CDH4: variants seen among roughly 807,000 people sequenced by gnomAD.
CDH4 encodes cadherin 4.
CDH4 carries 33 observed loss-of-function variants against 86.0 expected under a neutral mutation model. The ratio of observed to expected loss-of-function variants is 0.38; its 90% CI spans 0.29 to 0.51. The LOEUF is 0.51. CDH4 is among the 20% of genes least tolerant of loss of function. The probability of loss-of-function intolerance (pLI) is 0.86; values close to 1 mark genes in which losing one functional copy is unlikely to be tolerated. For missense variants in CDH4, 1,114 were observed against 1,307.4 expected, an observed-to-expected ratio of 0.85 and a Z score of 2.28; for synonymous variants, 555 against 549.4, an observed-to-expected ratio of 1.01 and a Z score of -0.14.
intron 2 of CDH4, among the ~76,000 whole-genome samples, chr20:61,711,570 C>T (rs62197828): frequency 0.019 from 2,822 of 152,254 alleles, 49 homozygotes; most frequent in Middle Eastern, 0.041. Context: ...CTCATAAGGA[C>T]GCTGTGAGGA....
At chr20:61,598,561 C>T (rs974168271) in intron 2 of CDH4, among the ~76,000 whole-genome samples, 7 of 152,176 alleles carry the variant, frequency 4.6e-5, no homozygotes, top group South Asian at 2.1e-4. Flanking sequence ...CCTGCGGTGC[C>T]GGCAGTAAGG....
At chr20:61,515,914 GAGTCTATCCCCCCCATCCCGC>G (rs1237765356) in intron 2 of CDH4, among the ~76,000 whole-genome samples, 1 of 152,006 alleles carries the variant, frequency 6.6e-6, no homozygotes, top group Non-Finnish European at 1.5e-5. Flanking sequence ...AGTTCCCCTG[GAGTCTATCCCCCCCATCCCGC>G]AGTCTATCCT....
intron 11 of CDH4, among the ~76,000 whole-genome samples, chr20:61,927,300 C>T (rs1244407692): frequency 2.6e-5 from 4 of 152,026 alleles, no homozygotes; most frequent in Non-Finnish European, 5.9e-5. Context: ...CCCCAGATTC[C>T]AGCCACCTGG....
At chr20:61,507,991 C>T (rs953542347) in intron 2 of CDH4, among the ~76,000 whole-genome samples, 7 of 152,364 alleles carry the variant, frequency 4.6e-5, no homozygotes, top group Admixed American at 3.3e-4. Flanking sequence ...GGGAAGACGT[C>T]GCTGTCAGGA....
chr20:61,824,364 A>G (rs991215704), intron 4 of CDH4, among the ~76,000 whole-genome samples: 3 of 151,780 alleles, frequency 2.0e-5, no homozygotes, highest in Admixed American at 2.0e-4. Flanking sequence ...AAAATACAAA[A>G]AAAAAAAAAA....
At position 61,743,614 on chromosome 20, in the gene CDH4, G is replaced by A. The variant is rs745328834; in HGVS notation, c.221G>A (p.Ser74Asn). Residue 74 changes from serine to asparagine, a missense_variant, in exon 3 of 16, where the codon AGC (serine) becomes AAC (asparagine). Ser to Asn is a conservative substitution (Grantham distance 46). Coordinates refer to ENST00000614565, the MANE Select transcript of CDH4 (RefSeq NM_001794.5). ...AAGGGGACACAATATGAGACCAACA[G>A]CATGGACTTCAAAGTTGGGGCAGAT... ...GTKGTQYETN[S>N]MDFKVGADGT... is the part of the protein sequence containing the mutation. 2 of 1,585,402 alleles carry A rather than the reference G, an allele frequency of 1.3e-6. No homozygotes were observed. The highest frequency in any genetic ancestry group is 1.7e-6 in the Non-Finnish European group (2 of 1,164,912).
rs1327888688 is a variant in CDH4 at position 61,712,667 on chromosome 20, C to G, written c.170-30896C>G. On this transcript the variant is annotated intron_variant, in intron 2 of 15. Coordinates refer to ENST00000614565, the MANE Select transcript of CDH4 (RefSeq NM_001794.5). ...ATCCCTGGCCCTATAGGGGCACCCACTCCAAGGGACAGACCAAAGTCAGGG... is the reference window on the plus strand; with the variant it reads ...ATCCCTGGCCCTATAGGGGCACCCAGTCCAAGGGACAGACCAAAGTCAGGG... Among the ~76,000 whole-genome samples the G allele has an allele frequency of 3.9e-5, 6 of 152,206 alleles. No individual in the cohort carries two copies. The East Asian group carries it at 1.2e-3, about 29-fold the overall frequency.
chr20:61,906,087 G>A (rs1466823274), intron 8 of CDH4, among the ~76,000 whole-genome samples: 2 of 152,194 alleles, frequency 1.3e-5, no homozygotes, highest in African/African-American at 2.4e-5. Flanking sequence ...CAGACGCAGG[G>A]GCCGCCAGAA....
rs1030259971 is a variant in CDH4 at position 61,545,077 on chromosome 20, G to A, written c.170-198486G>A. Among the ~76,000 whole-genome samples the A allele has an allele frequency of 1.1e-3, 175 of 152,280 alleles. 1 individual carries two copies. The highest frequency in any genetic ancestry group is 3.8e-3 in the African/African-American group (157 of 41,562). On this transcript the variant is annotated intron_variant, in intron 2 of 15. Coordinates refer to ENST00000614565, the MANE Select transcript of CDH4 (RefSeq NM_001794.5). ...GCGCCCTCGCTTCTGTGGGTCTGACGCGGAGACAGTGTCTCCAGGGTGCTT... is the reference window on the plus strand; with the variant it reads ...GCGCCCTCGCTTCTGTGGGTCTGACACGGAGACAGTGTCTCCAGGGTGCTT...
At chr20:61,737,751 A>T (rs1170301129) in intron 2 of CDH4, among the ~76,000 whole-genome samples, 1 of 152,174 alleles carries the variant, frequency 6.6e-6, no homozygotes, top group Non-Finnish European at 1.5e-5. Context: ...TGCCTGCCCT[A>T]TGCCAGGTAC....
intron 2 of CDH4, among the ~76,000 whole-genome samples, chr20:61,381,846 G>A (rs1471590972): frequency 1.3e-5 from 2 of 152,124 alleles, no homozygotes; most frequent in Admixed American, 6.5e-5. Context: ...GAAGCTGGGC[G>A]GGTGGATCAC....
intron 3 of CDH4, among the ~76,000 whole-genome samples, chr20:61,744,986 T>C (rs1404051938): frequency 9.2e-5 from 14 of 152,222 alleles, no homozygotes; most frequent in Admixed American, 9.2e-4. Context: ...CAGGTCCAGC[T>C]GTTGCAGCTG....
intron 2 of CDH4, among the ~76,000 whole-genome samples, chr20:61,577,998 C>T (rs182254177): frequency 1.0e-3 from 154 of 152,298 alleles, no homozygotes; most frequent in African/African-American, 3.5e-3. Context: ...CACACAGCCT[C>T]CCCACCATGC....
At chr20:61,546,157 A>AG (rs1555865303) in intron 2 of CDH4, among the ~76,000 whole-genome samples, 60 of 31,272 alleles carry the variant, frequency 1.9e-3, no homozygotes, top group Middle Eastern at 0.042. Flanking sequence ...CACATTCGTG[A>AG]GGGTGTGTGC....
intron 2 of CDH4, among the ~76,000 whole-genome samples, chr20:61,413,715 C>A (rs2085132539): frequency 6.6e-6 from 1 of 152,186 alleles, no homozygotes; most frequent in African/African-American, 2.4e-5. Flanking sequence ...CCTGCCAGAA[C>A]TTCTCTCCCA....
chr20:61,632,002 G>A (rs144641423), intron 2 of CDH4, among the ~76,000 whole-genome samples: 4 of 152,372 alleles, frequency 2.6e-5, no homozygotes, highest in Non-Finnish European at 4.4e-5. Context: ...CCAGTGCATC[G>A]TGAAGGCTGC....
chr20:61,442,535 C>T (rs561077424), intron 2 of CDH4, among the ~76,000 whole-genome samples: 10 of 152,352 alleles, frequency 6.6e-5, no homozygotes, highest in Admixed American at 5.9e-4. Context: ...CCCACTCAGA[C>T]GGTTCCAGCC....
intron 2 of CDH4, among the ~76,000 whole-genome samples, chr20:61,621,515 A>G (rs2086777097): frequency 6.6e-6 from 1 of 152,220 alleles, no homozygotes; most frequent in Admixed American, 6.5e-5. Context: ...CAATCAGAGT[A>G]ACAAAGTTGT....
In CDH4 at chr20:61,807,079, C is replaced by T. The variant is rs1474815047; in HGVS notation, c.576+33897C>T. 6.6e-6 allele frequency among the ~76,000 whole-genome samples: 1 copy of T among 152,232 alleles called. No homozygotes were observed. Among genetic ancestry groups the T allele is most frequent in the African/African-American group, 2.4e-5 (1 of 41,462 alleles). On this transcript the variant is annotated intron_variant, in intron 4 of 15. Coordinates refer to ENST00000614565, the MANE Select transcript of CDH4 (RefSeq NM_001794.5). This position sits in a 1 kb window ranked among gnomAD's most constrained non-coding sequence, Gnocchi z 4.5. Reference sequence around the variant, plus strand: ...AGGAGATGATTTTGAAAATGTCTCGCTCATCCCCTGATCTATGAGCTCCCA... The same window carrying T: ...AGGAGATGATTTTGAAAATGTCTCGTTCATCCCCTGATCTATGAGCTCCCA...
Sources: allele counts gnomAD v4.1 joint callset (sites outside exome capture counted in the v4.1 genomes callset), GRCh38; gene constraint gnomAD v4.1.1; non-coding constraint Gnocchi (gnomAD v3.1); transcripts MANE v1.5; gene names NCBI Gene and HGNC (gene_info 2026-07-23, HGNC 2026-07-21).